The following MYO16 variants were observed in gnomAD, a reference collection of about 807,000 sequenced individuals.
MYO16 encodes the protein unconventional myosin-XVI.
In MYO16, 94 loss-of-function variants were observed where a neutral mutation model predicts 205.3. The ratio of observed to expected loss-of-function variants is 0.46; its 90% confidence interval spans 0.39 to 0.54. The LOEUF (loss-of-function observed/expected upper bound fraction) is 0.54, where lower values mean the gene tolerates loss of function less well. Among genes scored for constraint, MYO16 ranks in the 20% least tolerant of loss-of-function variants. The pLI is 0.00. For synonymous variants in MYO16, 988 were observed against 954.0 expected (o/e 1.04, Z -0.66); for missense variants, 2,315 against 2,387.5 (o/e 0.97, Z 0.63).
chr13:108,649,456 A>G (rs760186937), intron 1 of MYO16, among the ~76,000 whole-genome samples: 7 of 152,192 alleles, frequency 4.6e-5, no homozygotes, highest in African/African-American at 7.2e-5. Flanking sequence ...CAGGGGAAGG[A>G]TGCTCCCAGA....
At chr13:108,916,248 G>A (rs376388127) in intron 16 of MYO16, among the ~76,000 whole-genome samples, 4 of 152,148 alleles carry the variant, frequency 2.6e-5, no homozygotes, top group East Asian at 1.9e-4. Flanking sequence ...CCATGTGCCA[G>A]GCACTCTCTG....
chr13:109,081,759 C>T (rs183165603), intron 27 of MYO16, among the ~76,000 whole-genome samples: 6 of 152,166 alleles, frequency 3.9e-5, no homozygotes, highest in South Asian at 2.1e-4. Context: ...GTGGAAAAGA[C>T]GAGAAAATGA....
chr13:108,738,786 GTC>G (rs1261485965), intron 4 of MYO16, among the ~76,000 whole-genome samples: 1 of 152,138 alleles, frequency 6.6e-6, no homozygotes, highest in African/African-American at 2.4e-5. Flanking sequence ...CTCTTTATAA[GTC>G]TCTAAGGACT....
At chr13:109,105,230 A>G (rs1889088306) in intron 28 of MYO16, among the ~76,000 whole-genome samples, 1 of 152,220 alleles carries the variant, frequency 6.6e-6, no homozygotes, top group South Asian at 2.1e-4. Flanking sequence ...CAGCACTTTG[A>G]GAGGCTGAGG....
At chr13:108,754,922 T>C (rs1885372056) in intron 4 of MYO16, among the ~76,000 whole-genome samples, 1 of 152,104 alleles carries the variant, frequency 6.6e-6, no homozygotes. Flanking sequence ...AGCAGGACCA[T>C]ATACACTGTA....
At chr13:108,957,319 G>T (rs534238728) in intron 16 of MYO16, among the ~76,000 whole-genome samples, 1 of 140,138 alleles carries the variant, frequency 7.1e-6, no homozygotes, top group South Asian at 2.3e-4. Context: ...GGGAGGTGGA[G>T]GTTGCAGTGA....
At chr13:108,960,660 T>C (rs1238510539) in intron 17 of MYO16, among the ~76,000 whole-genome samples, 1 of 152,190 alleles carries the variant, frequency 6.6e-6, no homozygotes. Flanking sequence ...AATTACAGAT[T>C]AGGAGACTGA....
intron 16 of MYO16, among the ~76,000 whole-genome samples, chr13:108,927,494 G>C (rs1882063625): frequency 6.6e-6 from 1 of 152,170 alleles, no homozygotes; most frequent in South Asian, 2.1e-4. Flanking sequence ...ATTAGGTGCA[G>C]TGGGAGCCAC....
At chr13:108,826,229 T>C (rs1876256130) in intron 9 of MYO16, among the ~76,000 whole-genome samples, 1 of 152,118 alleles carries the variant, frequency 6.6e-6, no homozygotes, top group Non-Finnish European at 1.5e-5. Flanking sequence ...GATGGAAATA[T>C]ATCAACAGAA....
chr13:108,608,624 A>C (rs1422841344), intron 1 of MYO16, among the ~76,000 whole-genome samples: 2 of 148,486 alleles, frequency 1.3e-5, no homozygotes, highest in East Asian at 4.0e-4. Context: ...TGCAGAAACA[A>C]ATATCTGAAC....
chr13:109,152,870 A>G (rs1415264360), intron 32 of MYO16, among the ~76,000 whole-genome samples: 1 of 152,224 alleles, frequency 6.6e-6, no homozygotes, highest in African/African-American at 2.4e-5. Context: ...AAGGTTTCGG[A>G]AAAATCACTA....
chr13:108,738,409 G>A (rs543550093), intron 4 of MYO16, among the ~76,000 whole-genome samples: 2 of 68,056 alleles, frequency 2.9e-5, no homozygotes, highest in Non-Finnish European at 8.1e-5. Context: ...AGTCATTCAG[G>A]AGCAGGTTGT....
At chr13:109,189,312 C>T (rs1879816864) in intron 34 of MYO16, among the ~76,000 whole-genome samples, 1 of 152,170 alleles carries the variant, frequency 6.6e-6, no homozygotes. Flanking sequence ...CTCACAGACA[C>T]ACCCAGGAAC....
At chr13:108,539,726 C>T in the MYO16 span, among the ~76,000 whole-genome samples, 1 of 152,058 alleles carries the variant, frequency 6.6e-6, no homozygotes, top group African/African-American at 2.4e-5. Flanking sequence ...GAGCTTAGGT[C>T]TACAAGTGAG....
intron 16 of MYO16, among the ~76,000 whole-genome samples, chr13:108,932,075 A>G (rs907151009): frequency 1.3e-5 from 2 of 152,112 alleles, no homozygotes; most frequent in African/African-American, 2.4e-5. Context: ...TTCCTTTGTG[A>G]ACGGTGATTA....
chr13:108,803,340 A>T (rs979725222), intron 6 of MYO16, among the ~76,000 whole-genome samples: 8 of 152,198 alleles, frequency 5.3e-5, no homozygotes, highest in Non-Finnish European at 1.0e-4. Flanking sequence ...ACTGTTTTTC[A>T]AATATTAGAA....
At chr13:108,636,547 T>A (rs1880261515) in intron 1 of MYO16, among the ~76,000 whole-genome samples, 1 of 151,942 alleles carries the variant, frequency 6.6e-6, no homozygotes, top group African/African-American at 2.4e-5. Context: ...ACCGAGCTAA[T>A]TTTTGTATTT....
chr13:108,937,903 G>C lies in MYO16; in HGVS notation c.1926-19785G>C, dbSNP rs143445868. On this transcript the variant is annotated intron_variant, in intron 16 of 34. Coordinates refer to ENST00000457511, the MANE Select transcript of MYO16 (RefSeq NM_001198950.3). Reference sequence around the variant, plus strand: ...TTTCTGACTTTCCATTTTTGTTAGGGACCATTGATGGAGAGCTAATGCAAT... The same window carrying C: ...TTTCTGACTTTCCATTTTTGTTAGGCACCATTGATGGAGAGCTAATGCAAT... Among the ~76,000 whole-genome samples the C allele has an allele frequency of 2.5e-3, 381 of 152,258 alleles. 1 individual carries two copies. The highest frequency in any genetic ancestry group is 8.8e-3 in the African/African-American group (365 of 41,540).
chr13:109,057,945 A>G (rs995719114), intron 27 of MYO16, among the ~76,000 whole-genome samples: 1 of 151,968 alleles, frequency 6.6e-6, no homozygotes, highest in African/African-American at 2.4e-5. Context: ...AGACGTTACA[A>G]TTTGTTTAAC....
Sources: allele counts gnomAD v4.1 joint callset (sites outside exome capture counted in the v4.1 genomes callset), GRCh38; gene constraint gnomAD v4.1.1; transcripts MANE v1.5; gene names NCBI Gene and HGNC (gene_info 2026-07-23, HGNC 2026-07-21).